The following OSBP variants were observed in gnomAD, a reference collection of about 807,000 sequenced individuals.
OSBP encodes the protein oxysterol binding protein, also known as oxysterol-binding protein 1.
In OSBP, 32 loss-of-function variants were observed where a neutral mutation model predicts 96.6. That is an observed-to-expected ratio of 0.33 (90% CI 0.25 to 0.45). The LOEUF (loss-of-function observed/expected upper bound fraction) is 0.45. Ranked by LOEUF, OSBP falls within the 20% of genes least tolerant of loss-of-function variation. The probability of loss-of-function intolerance (pLI) is 1.00; values close to 1 mark genes in which losing one functional copy is unlikely to be tolerated. For synonymous variants in OSBP, 369 were observed against 389.6 expected, an observed-to-expected ratio of 0.95 and a Z score of 0.62; for missense variants, 653 against 1,029.7, an observed-to-expected ratio of 0.63 and a Z score of 5.01.
chr11:59,601,794 T>A lies in OSBP; in HGVS notation c.867A>T (p.Lys289Asn), dbSNP rs745797894. 1 of 1,614,176 alleles carries A rather than the reference T, an allele frequency of 6.2e-7. No individual in the cohort carries two copies. The highest frequency in any genetic ancestry group is 8.5e-7 in the Non-Finnish European group (1 of 1,180,012). ...FLMLAQTHSK[K>N]WQKSLQYERD... ...TTTCATACTGTAGTGACTTTTGCCA[T>A]TTTTTACTATGGGTCTGGGCTAACA... Residue 289 changes from lysine (K) to asparagine (N), a missense_variant, in exon 4 of 14, where the codon AAA becomes AAT. Lys to Asn is a moderately conservative substitution (Grantham distance 94, BLOSUM62 0). This residue lies in a region of OSBP where 308 missense variants were observed against 573.1 expected (regional missense o/e 0.54). Transcript: ENST00000263847.
intron 9 of OSBP, among the ~76,000 whole-genome samples, chr11:59,590,428 C>T (rs765693052): frequency 3.7e-4 from 56 of 152,276 alleles, no homozygotes; most frequent in Non-Finnish European, 6.9e-4. Context: ...AGATCACATA[C>T]TAGCTGGTTA....
At chr11:59,605,077 C>G (rs1030008192) in intron 3 of OSBP, among the ~76,000 whole-genome samples, 3 of 151,096 alleles carry the variant, frequency 2.0e-5, no homozygotes, top group Admixed American at 1.3e-4. Context: ...TGCTTGAACC[C>G]GGGAGGCGGA....
chr11:59,605,905 C>T (rs1037871873), intron 3 of OSBP, among the ~76,000 whole-genome samples: 6 of 152,126 alleles, frequency 3.9e-5, no homozygotes, highest in Non-Finnish European at 7.4e-5. Context: ...GGCAGTTGGA[C>T]GGGATGCAGG....
rs201219205 is a variant in OSBP, at chr11:59,578,132, T to G, written c.2060+17A>C. On this transcript the variant is annotated intron_variant, in intron 12 of 13. Transcript: ENST00000263847. ...AGGTCAAAGTGGTATCTGGGCAGCA[T>G]GCATGCTGATACTCACGGTAAAGGA... 1 of 1,612,920 alleles carries G rather than the reference T, an allele frequency of 6.2e-7. No homozygotes were observed. Among genetic ancestry groups the G allele is most frequent in the Non-Finnish European group, 8.5e-7 (1 of 1,178,918 alleles).
intron 3 of OSBP, among the ~76,000 whole-genome samples, chr11:59,607,007 G>A (rs1860788019): frequency 6.6e-6 from 1 of 151,920 alleles, no homozygotes; most frequent in Non-Finnish European, 1.5e-5. Context: ...TTTCCCCAAG[G>A]AACAAAGATG....
At chr11:59,587,069 AAC>A (rs1860507676) in intron 9 of OSBP, among the ~76,000 whole-genome samples, 1 of 152,224 alleles carries the variant, frequency 6.6e-6, no homozygotes, top group South Asian at 2.1e-4. Flanking sequence ...TGACAATAGC[AAC>A]AGAGTAAAAA....
At chr11:59,600,779 C>T (rs1047103983) in intron 6 of OSBP, 40 bp downstream of exon 6, 3 of 1,591,520 alleles carry the variant, frequency 1.9e-6, no homozygotes, top group Non-Finnish European at 2.6e-6. Flanking sequence ...GAATCACAAC[C>T]CACGTCCCTC....
At chr11:59,577,781 G>A (rs1194426475) in intron 12 of OSBP, among the ~76,000 whole-genome samples, 7 of 152,190 alleles carry the variant, frequency 4.6e-5, no homozygotes, top group Non-Finnish European at 1.0e-4. Flanking sequence ...GTGAGCCACC[G>A]CACCTGGCTG....
Position 59,604,773 on chromosome 11 carries a change from T to G in OSBP, c.823-2935A>C, listed in dbSNP as rs530391023. Among the ~76,000 whole-genome samples, 17 of 152,016 alleles carry G rather than the reference T, an allele frequency of 1.1e-4. No homozygotes were observed. In the South Asian group the frequency reaches 3.5e-3, roughly 32 times the overall value. On this transcript the variant is annotated intron_variant, in intron 3 of 13. Coordinates refer to ENST00000263847, the MANE Select transcript of OSBP (RefSeq NM_002556.3). The stretch of plus-strand genomic sequence containing the variant: ...AGAAGGCTGAGGAGTGAGACTCACT[T>G]GAGCCTGGGTGCTCAAGGCTGCAGT...
At chr11:59,599,267 A>G (rs1278897486) in intron 7 of OSBP, among the ~76,000 whole-genome samples, 1 of 152,242 alleles carries the variant, frequency 6.6e-6, no homozygotes. Flanking sequence ...AAAGAGTATC[A>G]TTGTGCTCCT....
At chr11:59,587,266 C>G (rs975562968) in intron 9 of OSBP, among the ~76,000 whole-genome samples, 8 of 151,968 alleles carry the variant, frequency 5.3e-5, no homozygotes, top group African/African-American at 1.7e-4. Context: ...TTTGGGAAGC[C>G]GAGGCAGGCA....
intron 12 of OSBP, among the ~76,000 whole-genome samples, chr11:59,577,366 A>G (rs117691506): frequency 6.6e-6 from 1 of 152,152 alleles, no homozygotes; most frequent in Non-Finnish European, 1.5e-5. Context: ...TCTCTGGGAT[A>G]ATCTTGGCTA....
intron 11 of OSBP, among the ~76,000 whole-genome samples, chr11:59,579,669 T>C (rs1056124440): frequency 6.6e-6 from 1 of 152,138 alleles, no homozygotes; most frequent in African/African-American, 2.4e-5. Flanking sequence ...AGAGAAGGAA[T>C]TGGCTTAGTA....
intron 9 of OSBP, among the ~76,000 whole-genome samples, chr11:59,585,208 C>T (rs556932936): frequency 7.3e-5 from 11 of 151,682 alleles, no homozygotes; most frequent in African/African-American, 2.4e-4. Flanking sequence ...TCTTCCCGGC[C>T]GCCATCACAT....
chr11:59,611,650 A>G (rs1015928616), intron 1 of OSBP, among the ~76,000 whole-genome samples: 1 of 152,214 alleles, frequency 6.6e-6, no homozygotes, highest in African/African-American at 2.4e-5. Context: ...TCTTTCTGGA[A>G]TATGTTCATT....
chr11:59,583,054 T>C (rs1417180276), intron 9 of OSBP, among the ~76,000 whole-genome samples: 1 of 152,212 alleles, frequency 6.6e-6, no homozygotes, highest in African/African-American at 2.4e-5. Flanking sequence ...CTCACCCCTA[T>C]AATCCCAGCT....
chr11:59,606,455 T>C (rs1447678635), intron 3 of OSBP, among the ~76,000 whole-genome samples: 1 of 151,744 alleles, frequency 6.6e-6, no homozygotes, highest in African/African-American at 2.4e-5. Flanking sequence ...AAACACATCT[T>C]CTCACTTATA....
chr11:59,595,121 T>C (rs1245072262), intron 7 of OSBP: 1 of 154,274 alleles, frequency 6.5e-6, no homozygotes, highest in Non-Finnish European at 1.5e-5. Flanking sequence ...AGAAACATTG[T>C]TCATGCTCCC....
At chr11:59,583,017 TACTC>T (rs1277951692) in intron 9 of OSBP, among the ~76,000 whole-genome samples, 1 of 152,108 alleles carries the variant, frequency 6.6e-6, no homozygotes, top group Non-Finnish European at 1.5e-5. Flanking sequence ...TAGTTAATAA[TACTC>T]AATTCCAGGC....
Sources: gnomAD v4.1 joint callset for allele counts (sites outside exome capture counted in the v4.1 genomes callset) on GRCh38, gnomAD v4.1.1 for gene constraint, gnomAD v4.1.1 regional missense constraint, MANE v1.5 for transcripts, NCBI Gene and HGNC (gene_info 2026-07-23, HGNC 2026-07-21) for gene names.